Variants in PEX14 observed in about 807,000 individuals in gnomAD.
PEX14 encodes peroxisomal membrane protein PEX14.
In PEX14, 15 loss-of-function variants were observed where a neutral mutation model predicts 49.5. The observed-to-expected ratio is 0.30, with a 90% CI of 0.20 to 0.47. PEX14 has a LOEUF of 0.47. PEX14 is among the 20% of genes least tolerant of loss of function. The probability of loss-of-function intolerance (pLI) is 1.00; values close to 1 mark genes in which losing one functional copy is unlikely to be tolerated. For synonymous variants in PEX14, 210 were observed against 212.7 expected (o/e 0.99, Z 0.11); for missense variants, 398 against 494.8 (o/e 0.80, Z 1.86).
chr1:10,621,151 A>G (rs1331313551), intron 5 of PEX14, among the ~76,000 whole-genome samples: 1 of 151,682 alleles, frequency 6.6e-6, no homozygotes, highest in Admixed American at 6.6e-5. Context: ...CAATGGTAAC[A>G]AGAGAATTTC....
intron 3 of PEX14, among the ~76,000 whole-genome samples, chr1:10,596,375 G>A (rs547445598): frequency 2.0e-5 from 3 of 152,308 alleles, no homozygotes; most frequent in Admixed American, 6.5e-5. Context: ...TTGTCCAGGC[G>A]TCATTTACAG....
chr1:10,618,422 G>T lies in PEX14; in HGVS notation c.384+5G>T. On this transcript the variant is annotated splice_donor_5th_base_variant and intron_variant, in intron 5 of 8. Transcript: ENST00000356607. ...GGCTTTCACCAGCTCTACAAGGTGA[G>T]TCACCCCCAGCGGCTGCAGGTGCTG... 1 of 1,607,952 alleles carries T rather than the reference G, an allele frequency of 6.2e-7. No individual in the cohort carries two copies. The highest frequency in any genetic ancestry group is 8.5e-7 in the Non-Finnish European group (1 of 1,175,120).
chr1:10,588,207 G>A (rs1452398904), intron 3 of PEX14, among the ~76,000 whole-genome samples: 1 of 150,362 alleles, frequency 6.7e-6, no homozygotes, highest in Non-Finnish European at 1.5e-5. Flanking sequence ...GTGACAGAGC[G>A]AGACTCCGTC....
chr1:10,517,840 T>A (rs1280238599), intron 2 of PEX14, among the ~76,000 whole-genome samples: 1 of 152,040 alleles, frequency 6.6e-6, no homozygotes, highest in Non-Finnish European at 1.5e-5. Flanking sequence ...GATTCAGTAT[T>A]TGAAAAAAAT....
intron 3 of PEX14, among the ~76,000 whole-genome samples, chr1:10,548,007 G>A (rs1639225306): frequency 6.6e-6 from 1 of 152,164 alleles, no homozygotes; most frequent in African/African-American, 2.4e-5. Flanking sequence ...CCTGAGGTCA[G>A]GAGTTCGTGA....
intron 1 of PEX14, among the ~76,000 whole-genome samples, chr1:10,486,991 GCT>G (rs1033252961): frequency 3.3e-5 from 5 of 151,754 alleles, no homozygotes; most frequent in African/African-American, 1.2e-4. Context: ...CCAGCCTGAG[GCT>G]CTGTCTCTTA....
chr1:10,540,209 C>T (rs1638960793), intron 3 of PEX14, among the ~76,000 whole-genome samples: 1 of 152,228 alleles, frequency 6.6e-6, no homozygotes, highest in South Asian at 2.1e-4. Flanking sequence ...TTGAAGAAAC[C>T]TGGCGGTCCC....
intron 2 of PEX14, among the ~76,000 whole-genome samples, chr1:10,516,263 T>C (rs1641968205): frequency 6.6e-6 from 1 of 152,200 alleles, no homozygotes; most frequent in Non-Finnish European, 1.5e-5. Flanking sequence ...TGTTTTATAG[T>C]CCAAATCACA....
chr1:10,548,938 C>G (rs1033939656), intron 3 of PEX14, among the ~76,000 whole-genome samples: 1 of 152,194 alleles, frequency 6.6e-6, no homozygotes, highest in African/African-American at 2.4e-5. Flanking sequence ...TGGGCATGCT[C>G]TAATCTCTTA....
intron 4 of PEX14, among the ~76,000 whole-genome samples, chr1:10,617,338 A>G (rs1641455349): frequency 6.6e-6 from 1 of 151,894 alleles, no homozygotes; most frequent in Non-Finnish European, 1.5e-5. Flanking sequence ...GACCACCCTC[A>G]GAGCCTCCCC....
chr1:10,503,529 A>G (rs1641724908), intron 2 of PEX14, among the ~76,000 whole-genome samples: 1 of 151,650 alleles, frequency 6.6e-6, no homozygotes, highest in Non-Finnish European at 1.5e-5. Context: ...CTCTGTTAAA[A>G]TGTTTTTCTT....
rs548789673 is a variant in PEX14, at chr1:10,592,594, A to T, written c.170-6644A>T. ...AGAAGCTCAATAAATTTTATAGGAA[A>T]GTTTCCTCCTTATGTGGAAGGAGCT... is the stretch of plus-strand genomic sequence containing the variant. On this transcript the variant is annotated intron_variant, in intron 3 of 8. Coordinates refer to ENST00000356607, the MANE Select transcript of PEX14 (RefSeq NM_004565.3). Among the ~76,000 whole-genome samples, 8 of 152,274 alleles carry T rather than the reference A, an allele frequency of 5.3e-5. No homozygotes were observed. In the South Asian group the frequency reaches 8.3e-4, roughly 16 times the overall value.
In PEX14 at chr1:10,495,345, T is replaced by A; in HGVS notation, c.84+24T>A. ...TGGTAAGTACCCAAGATATGTGGTA[T>A]CACTTTCTAGTAATTAAAATGCCAC... On this transcript the variant is annotated intron_variant, in intron 2 of 8. Transcript: ENST00000356607. The surrounding 1 kb of genome is among the most constrained non-coding windows in gnomAD (Gnocchi z 4.2). 2.5e-6 allele frequency: 4 copies of A among 1,593,704 alleles called. No individual in the cohort carries two copies. In the South Asian group the frequency reaches 4.4e-5, roughly 18 times the overall value.
At chr1:10,490,941 C>T (rs1236512755) in intron 1 of PEX14, among the ~76,000 whole-genome samples, 2 of 151,250 alleles carry the variant, frequency 1.3e-5, no homozygotes, top group East Asian at 1.9e-4. Context: ...TGGGCCCAAG[C>T]GATCCTCCCA....
chr1:10,491,193 T>A (rs532590471), intron 1 of PEX14, among the ~76,000 whole-genome samples: 8 of 151,600 alleles, frequency 5.3e-5, no homozygotes, highest in Admixed American at 4.0e-4. Flanking sequence ...ACAGCTAGCA[T>A]GGTGGAAGAT....
At chr1:10,515,607 A>G (rs1482067693) in intron 2 of PEX14, among the ~76,000 whole-genome samples, 1 of 152,090 alleles carries the variant, frequency 6.6e-6, no homozygotes. Flanking sequence ...TCTCAGTTTC[A>G]TGTTCTCTAC....
At chr1:10,491,674 CTTTTTTT>C (rs5772417) in intron 1 of PEX14, among the ~76,000 whole-genome samples, 11 of 55,124 alleles carry the variant, frequency 2.0e-4, no homozygotes, top group African/African-American at 2.4e-4. Flanking sequence ...GGCCATGCTC[CTTTTTTT>C]TTTTTTTTTT....
Position 10,628,724 on chromosome 1 carries a change from A to C in PEX14, c.678-807A>C, listed in dbSNP as rs1429249528. ...TAAAGCAGGCCGTGGTGTGTGCCCC[A>C]CTCAAGTGGGGTCTGTGGTGGGAGA... On this transcript the variant is annotated intron_variant, in intron 8 of 8. Transcript: ENST00000356607. The surrounding 1 kb of genome is among the most constrained non-coding windows in gnomAD (Gnocchi z 4.5). Among the ~76,000 whole-genome samples, 3 of 152,150 alleles carry C rather than the reference A, an allele frequency of 2.0e-5. No homozygotes were observed. Among genetic ancestry groups the C allele is most frequent in the Non-Finnish European group, 4.4e-5 (3 of 68,018 alleles).
intron 4 of PEX14, 80 bp from the exon 5 acceptor site, chr1:10,618,252 A>T: frequency 9.5e-7 from 1 of 1,055,058 alleles, no homozygotes; most frequent in Non-Finnish European, 1.5e-6. Flanking sequence ...AGACTGTGCC[A>T]CTGAGGCACC....
Sources: gnomAD v4.1 joint callset for allele counts (sites outside exome capture counted in the v4.1 genomes callset) on GRCh38, gnomAD v4.1.1 for gene constraint, Gnocchi (gnomAD v3.1) non-coding constraint, MANE v1.5 for transcripts, NCBI Gene and HGNC (gene_info 2026-07-23, HGNC 2026-07-21) for gene names.